Variants in MACROD2 observed in about 807,000 individuals in gnomAD.
MACROD2 encodes the protein mono-ADP ribosylhydrolase 2.
In MACROD2, 36 loss-of-function variants were observed where a neutral mutation model predicts 70.4. The ratio of observed to expected loss-of-function variants is 0.51; its 90% CI spans 0.39 to 0.68. MACROD2 has a LOEUF of 0.68. Among genes scored for constraint, MACROD2 ranks in the 30% least tolerant of loss-of-function variants. The pLI is 0.00. For missense variants in MACROD2, 496 were observed against 538.4 expected (o/e 0.92, Z 0.78); for synonymous variants, 172 against 178.8 (o/e 0.96, Z 0.30).
chr20:14,088,410 G>A (rs181996263), intron 3 of MACROD2, among the ~76,000 whole-genome samples: 1 of 148,492 alleles, frequency 6.7e-6, no homozygotes, highest in Non-Finnish European at 1.5e-5. Flanking sequence ...ACACATAAAA[G>A]ATATATATTT....
chr20:15,394,780 G>A (rs1205690908), intron 6 of MACROD2, among the ~76,000 whole-genome samples: 1 of 152,124 alleles, frequency 6.6e-6, no homozygotes, highest in African/African-American at 2.4e-5. Context: ...TCAATTACAG[G>A]GTCAGCAGTG....
intron 5 of MACROD2, among the ~76,000 whole-genome samples, chr20:15,064,530 T>G (rs2075558761): frequency 6.6e-6 from 1 of 152,222 alleles, no homozygotes. Context: ...TGGGTTTCAT[T>G]CTTTTGTTGA....
chr20:14,632,695 TA>T (rs1984578850), intron 4 of MACROD2, among the ~76,000 whole-genome samples: 1 of 152,200 alleles, frequency 6.6e-6, no homozygotes, highest in Non-Finnish European at 1.5e-5. Context: ...GATGTTTATT[TA>T]AAAGTATAGT....
chr20:15,196,331 C>T (rs2076606470), intron 5 of MACROD2, among the ~76,000 whole-genome samples: 1 of 150,888 alleles, frequency 6.6e-6, no homozygotes, highest in Non-Finnish European at 1.5e-5. Flanking sequence ...CAAGAACATA[C>T]AACAAATGCA....
intron 5 of MACROD2, among the ~76,000 whole-genome samples, chr20:15,148,400 G>C (rs1002320738): frequency 7.2e-5 from 11 of 152,068 alleles, no homozygotes; most frequent in African/African-American, 2.4e-4. Context: ...CATCTAATTA[G>C]AGAGTGCTTA....
intron 5 of MACROD2, among the ~76,000 whole-genome samples, chr20:15,034,614 AT>A (rs150614078): frequency 6.6e-6 from 1 of 152,064 alleles, no homozygotes; most frequent in Non-Finnish European, 1.5e-5. Context: ...ATTGTGAAGC[AT>A]TTTTTTGGTC....
At chr20:15,541,788 T>A (rs2047959488) in intron 8 of MACROD2, among the ~76,000 whole-genome samples, 1 of 152,234 alleles carries the variant, frequency 6.6e-6, no homozygotes, top group Non-Finnish European at 1.5e-5. Context: ...GCTGGATGAC[T>A]GTTGTGTAAA....
chr20:15,390,129 C>A (rs2045772594), intron 6 of MACROD2, among the ~76,000 whole-genome samples: 1 of 152,146 alleles, frequency 6.6e-6, no homozygotes, highest in East Asian at 1.9e-4. Context: ...CCTTCAGGGT[C>A]TTAAGTCAGA....
chr20:14,420,717 G>T (rs1461628831), intron 3 of MACROD2, among the ~76,000 whole-genome samples: 1 of 151,976 alleles, frequency 6.6e-6, no homozygotes, highest in Non-Finnish European at 1.5e-5. Flanking sequence ...TTGAGACCAG[G>T]TCTCTCATTC....
chr20:15,742,162 T>C (rs2051115382), intron 8 of MACROD2, among the ~76,000 whole-genome samples: 1 of 152,234 alleles, frequency 6.6e-6, no homozygotes, highest in Non-Finnish European at 1.5e-5. Flanking sequence ...TCAAATTGTG[T>C]CTGAAAACTT....
chr20:15,094,021 C>T (rs2075811048), intron 5 of MACROD2, among the ~76,000 whole-genome samples: 1 of 152,152 alleles, frequency 6.6e-6, no homozygotes, highest in Admixed American at 6.5e-5. Flanking sequence ...ACATGGTTGT[C>T]TGGTCCAATC....
At position 14,057,658 on chromosome 20, in the gene MACROD2, A is replaced by T. The variant is rs763783977; in HGVS notation, c.164-27963A>T. On this transcript the variant is annotated intron_variant, in intron 2 of 17. Transcript: ENST00000684519. ...TAAAGCTGTGGGTATGTGTATACAT[A>T]CATATATCCAGCAACTTCGATAGGA... Among the ~76,000 whole-genome samples, 4 of 152,330 alleles carry T rather than the reference A, an allele frequency of 2.6e-5. 1 individual carries two copies. Among genetic ancestry groups the T allele is most frequent in the Admixed American group, 2.6e-4 (4 of 15,296 alleles).
At chr20:15,908,389 T>C (rs2065181744) in intron 10 of MACROD2, among the ~76,000 whole-genome samples, 1 of 152,218 alleles carries the variant, frequency 6.6e-6, no homozygotes, top group African/African-American at 2.4e-5. Flanking sequence ...CTCAGGCCTA[T>C]GGGTGGTAAC....
At chr20:15,773,015 A>C (rs1026231861) in intron 8 of MACROD2, among the ~76,000 whole-genome samples, 12 of 152,226 alleles carry the variant, frequency 7.9e-5, no homozygotes, top group African/African-American at 2.4e-4. Flanking sequence ...GAGACAGACC[A>C]TATCAGTGGT....
At chr20:15,987,330 A>G (rs561858197) in intron 15 of MACROD2, among the ~76,000 whole-genome samples, 172 bp downstream of exon 15, 46 of 152,326 alleles carry the variant, frequency 3.0e-4, no homozygotes, top group Admixed American at 1.6e-3. Flanking sequence ...TAGAAGTAGC[A>G]AAAGAAAATA....
chr20:15,051,241 T>C (rs937604298), intron 5 of MACROD2, among the ~76,000 whole-genome samples: 1 of 152,124 alleles, frequency 6.6e-6, no homozygotes, highest in African/African-American at 2.4e-5. Context: ...TTTGGAACAT[T>C]TTTTGATATC....
chr20:14,190,692 ATATATATTTTTTT>A (rs2081378230), intron 3 of MACROD2, among the ~76,000 whole-genome samples: 7 of 39,932 alleles, frequency 1.8e-4, no homozygotes, highest in Admixed American at 4.1e-4. Context: ...ATATATATAT[ATATATATTTTTTT>A]TTTTTTTTTT....
chr20:15,107,751 A>T (rs1377605141), intron 5 of MACROD2, among the ~76,000 whole-genome samples: 1 of 152,090 alleles, frequency 6.6e-6, no homozygotes, highest in African/African-American at 2.4e-5. Context: ...ACATTACTTC[A>T]TCTTAATTTT....
intron 10 of MACROD2, among the ~76,000 whole-genome samples, chr20:15,922,372 A>G (rs1038996587): frequency 6.6e-6 from 1 of 152,260 alleles, no homozygotes; most frequent in African/African-American, 2.4e-5. Flanking sequence ...AATAGATCAA[A>G]GTAGTATCAT....
Sources: allele counts gnomAD v4.1 joint callset (sites outside exome capture counted in the v4.1 genomes callset), GRCh38; gene constraint gnomAD v4.1.1; transcripts MANE v1.5; gene names NCBI Gene and HGNC (gene_info 2026-07-23, HGNC 2026-07-21).